Variants in ZFYVE28 observed in about 807,000 individuals in gnomAD.
The protein encoded by ZFYVE28 is lateral signaling target protein 2 homolog.
Under a neutral mutation model 82.1 loss-of-function variants are expected in ZFYVE28, and 40 were observed. That is an observed-to-expected ratio of 0.49 (90% CI 0.38 to 0.63). The LOEUF is 0.63. Among genes scored for constraint, ZFYVE28 ranks in the 30% least tolerant of loss-of-function variants. ZFYVE28 has a pLI of 0.00. For missense variants in ZFYVE28, 1,321 were observed against 1,242.1 expected (o/e 1.06, Z -0.96); for synonymous variants, 612 against 546.1 (o/e 1.12, Z -1.68).
chr4:2,351,656 G>A (rs958536474), intron 2 of ZFYVE28, among the ~76,000 whole-genome samples: 1 of 152,230 alleles, frequency 6.6e-6, no homozygotes, highest in Non-Finnish European at 1.5e-5. Flanking sequence ...GGAGGTTGCA[G>A]TGAGCCGAGA....
chr4:2,402,064 G>A (rs755998426), intron 1 of ZFYVE28, among the ~76,000 whole-genome samples: 3 of 152,200 alleles, frequency 2.0e-5, no homozygotes, highest in Non-Finnish European at 4.4e-5. Context: ...CGGTCCTGCC[G>A]GCTGTGGAGG....
intron 8 of ZFYVE28, among the ~76,000 whole-genome samples, chr4:2,294,298 C>T (rs1034704945): frequency 2.0e-5 from 3 of 152,166 alleles, no homozygotes; most frequent in African/African-American, 7.2e-5. Context: ...TAAACCCACC[C>T]CATGTGGTCA....
chr4:2,396,141 T>C (rs1264113106), intron 1 of ZFYVE28, among the ~76,000 whole-genome samples: 444 of 26,976 alleles, frequency 0.016, 12 homozygotes, highest in Middle Eastern at 0.058. Context: ...GTGTCTGAGC[T>C]GATGGGACCA....
intron 7 of ZFYVE28, among the ~76,000 whole-genome samples, chr4:2,314,464 G>C (rs1050302832): frequency 3.3e-5 from 5 of 152,080 alleles, no homozygotes; most frequent in African/African-American, 1.2e-4. Context: ...TCCATTTGTT[G>C]TATCTTCTCT....
intron 1 of ZFYVE28, among the ~76,000 whole-genome samples, chr4:2,360,991 T>C (rs1475843608): frequency 6.6e-6 from 1 of 152,102 alleles, no homozygotes; most frequent in Non-Finnish European, 1.5e-5. Flanking sequence ...ATGTCCACAA[T>C]AAAGGGAATC....
Position 2,270,552 on chromosome 4 carries a change from C to A in ZFYVE28, c.*173G>T. 2 of 971,934 alleles carry A rather than the reference C, an allele frequency of 2.1e-6. No individual in the cohort carries two copies. The highest frequency in any genetic ancestry group is 1.7e-5 in the South Asian group (1 of 58,854). The allele number at this position is 971,934 out of a possible 1,614,324, so 60.2% of individuals were successfully genotyped here. A position where few individuals can be genotyped will look rare whatever the true frequency, so the allele number is the denominator to read the frequency against. The stretch of plus-strand genomic sequence containing the variant: ...TGGCCCCTGCAGCCGGCCCGGGGTC[C>A]CTGCAGGGAGGCTAGCGTGGGCAGG... On this transcript the variant is annotated 3_prime_UTR_variant, in exon 13 of 13. Coordinates refer to ENST00000290974, the MANE Select transcript of ZFYVE28 (RefSeq NM_020972.3).
At chr4:2,282,612 G>C (rs952593835) in intron 8 of ZFYVE28, among the ~76,000 whole-genome samples, 1 of 152,234 alleles carries the variant, frequency 6.6e-6, no homozygotes, top group Non-Finnish European at 1.5e-5. Flanking sequence ...AAGCCCAAAT[G>C]AATCTGATGC....
intron 1 of ZFYVE28, chr4:2,364,944 G>A: frequency 1.0e-6 from 1 of 976,660 alleles, no homozygotes; most frequent in African/African-American, 1.8e-5. Flanking sequence ...AGCAGGGGCG[G>A]CGCAGCCTCA....
chr4:2,299,650 G>GA, intron 8 of ZFYVE28, among the ~76,000 whole-genome samples: 1 of 129,164 alleles, frequency 7.7e-6, no homozygotes, highest in Admixed American at 7.9e-5. Context: ...GGAGGGGAGG[G>GA]AGGGAGGAAG....
chr4:2,278,606 C>A (rs1711516374), intron 8 of ZFYVE28, among the ~76,000 whole-genome samples: 2 of 152,064 alleles, frequency 1.3e-5, no homozygotes. Context: ...AACTGGACTT[C>A]ATCAAACTGA....
intron 6 of ZFYVE28, among the ~76,000 whole-genome samples, chr4:2,323,509 A>G (rs1719403383): frequency 6.6e-6 from 1 of 151,754 alleles, no homozygotes; most frequent in South Asian, 2.1e-4. Flanking sequence ...TTTCTTTATA[A>G]TGTCCTCTGA....
intron 6 of ZFYVE28, among the ~76,000 whole-genome samples, chr4:2,321,420 G>A (rs891469053): frequency 1.3e-5 from 2 of 152,188 alleles, no homozygotes; most frequent in Admixed American, 6.5e-5. Flanking sequence ...AGATTTGAAA[G>A]TCACAGGAAA....
At chr4:2,308,773 G>GAGGA (rs1171598604) in intron 7 of ZFYVE28, among the ~76,000 whole-genome samples, 2 of 151,668 alleles carry the variant, frequency 1.3e-5, no homozygotes, top group Non-Finnish European at 2.9e-5. Context: ...AAGAGGGAGG[G>GAGGA]AGGAAGGAAG....
chr4:2,386,621 C>T (rs1729282261), intron 1 of ZFYVE28, among the ~76,000 whole-genome samples: 2 of 152,202 alleles, frequency 1.3e-5, no homozygotes, highest in Admixed American at 1.3e-4. Flanking sequence ...CTCTCCTAAG[C>T]CCCCTAGCCA....
In ZFYVE28 at chr4:2,409,090, G is replaced by GC. The variant is rs1265044000; in HGVS notation, c.39+9194dup. Among the ~76,000 whole-genome samples, 1 of 151,768 alleles carries GC rather than the reference G, an allele frequency of 6.6e-6. No individual in the cohort carries two copies. The highest frequency in any genetic ancestry group is 1.5e-5 in the Non-Finnish European group (1 of 67,936). The stretch of plus-strand genomic sequence containing the variant: ...TGTGACACAGCCCTGAACGCCCCTG[G>GC]CCCCCCACCCTCACATTCCCCGTGG... On this transcript the variant is annotated intron_variant, in intron 1 of 12. Coordinates refer to ENST00000290974, the MANE Select transcript of ZFYVE28 (RefSeq NM_020972.3). The surrounding 1 kb of genome is among the most constrained non-coding windows in gnomAD (Gnocchi z 4.4).
At chr4:2,297,424 C>A (rs550442443) in intron 8 of ZFYVE28, among the ~76,000 whole-genome samples, 2 of 152,190 alleles carry the variant, frequency 1.3e-5, no homozygotes, top group Non-Finnish European at 2.9e-5. Flanking sequence ...CCAGGCCACA[C>A]GGAGGAGTCG....
intron 2 of ZFYVE28, among the ~76,000 whole-genome samples, chr4:2,350,432 C>G (rs550975890): frequency 1.5e-3 from 226 of 152,006 alleles, no homozygotes; most frequent in African/African-American, 5.0e-3. Flanking sequence ...CCACTGCACT[C>G]CAGCCTGGGC....
intron 1 of ZFYVE28, among the ~76,000 whole-genome samples, chr4:2,365,435 C>T (rs903839280): frequency 6.6e-6 from 1 of 152,136 alleles, no homozygotes; most frequent in Non-Finnish European, 1.5e-5. Flanking sequence ...GTAACAACAA[C>T]GCCAGCCTCC....
intron 1 of ZFYVE28, among the ~76,000 whole-genome samples, chr4:2,407,739 C>A (rs1732076186): frequency 6.6e-6 from 1 of 152,148 alleles, no homozygotes; most frequent in African/African-American, 2.4e-5. Flanking sequence ...TACAGACGCA[C>A]CACCACGCCC....
Sources: gnomAD v4.1 joint callset for allele counts (sites outside exome capture counted in the v4.1 genomes callset) on GRCh38, gnomAD v4.1.1 for gene constraint, Gnocchi (gnomAD v3.1) non-coding constraint, MANE v1.5 for transcripts, NCBI Gene and HGNC (gene_info 2026-07-23, HGNC 2026-07-21) for gene names.